Variants in SLC44A2 observed in about 807,000 individuals in gnomAD.
SLC44A2 encodes the protein solute carrier family 44 member 2 (CTL2 blood group).
Under a neutral mutation model 90.8 loss-of-function variants are expected in SLC44A2, and 57 were observed. The ratio of observed to expected loss-of-function variants is 0.63; its 90% confidence interval spans 0.51 to 0.78. SLC44A2 has a LOEUF of 0.78. SLC44A2 is among the 30% of genes least tolerant of loss of function. The pLI is 0.00. For synonymous variants in SLC44A2, 355 were observed against 360.7 expected (o/e 0.98, Z 0.18); for missense variants, 794 against 919.7 (o/e 0.86, Z 1.77).
chr19:10,633,568 G>A (rs1048453178), intron 10 of SLC44A2, among the ~76,000 whole-genome samples: 6 of 152,136 alleles, frequency 3.9e-5, no homozygotes, highest in East Asian at 1.9e-4. Context: ...TGATCCTCCC[G>A]TCTTGGCCTC....
chr19:10,621,897 G>GT (rs1207082925), upstream of SLC44A2, among the ~76,000 whole-genome samples: 1 of 152,160 alleles, frequency 6.6e-6, no homozygotes, highest in African/African-American at 2.4e-5. Context: ...GATTATAGGC[G>GT]TGAGCCACTG....
In SLC44A2 at chr19:10,644,104, A is replaced by G. The variant is rs2067145257; in HGVS notation, c.*719A>G. The G allele has an allele frequency of 6.6e-6, 1 of 152,552 alleles. No homozygotes were observed. Among genetic ancestry groups the G allele is most frequent in the South Asian group, 2.1e-4 (1 of 4,826 alleles). The allele number at this position is 152,552 out of a possible 1,614,324, so 9.4% of individuals were successfully genotyped here. On this transcript the variant is annotated 3_prime_UTR_variant, in exon 22 of 22. Coordinates refer to ENST00000335757, the MANE Select transcript of SLC44A2 (RefSeq NM_020428.4). ...GCAGGCTGGAGAGGAGATGGCTAAT[A>G]GCTGTTTAATGGAAACCTGCTGGGC...
chr19:10,630,756 C>T (rs1232593296), intron 4 of SLC44A2, among the ~76,000 whole-genome samples: 1 of 151,506 alleles, frequency 6.6e-6, no homozygotes, highest in African/African-American at 2.4e-5. Flanking sequence ...GTAATACCAA[C>T]ACTTTGGGAG....
At position 10,633,973 on chromosome 19, in the gene SLC44A2, A is replaced by AT. The variant is rs1406434263; in HGVS notation, c.824-768dup. On this transcript the variant is annotated intron_variant, in intron 10 of 21. Coordinates refer to ENST00000335757, the MANE Select transcript of SLC44A2 (RefSeq NM_020428.4). ...ACCAACATGTAGAAACCCCATCTCTATTTTTTTTTTTTTTTGAGACAGAGT... is the reference window on the plus strand; with the variant it reads ...ACCAACATGTAGAAACCCCATCTCTATTTTTTTTTTTTTTTTGAGACAGAGT... 1.7e-3 allele frequency among the ~76,000 whole-genome samples: 184 copies of AT among 107,904 alleles called. 6 individuals are homozygous for AT. Among genetic ancestry groups the AT allele is most frequent in the African/African-American group, 5.5e-3 (144 of 26,168 alleles). 70.8% of individuals were successfully genotyped at this position (107,904 alleles called of 152,430 possible).
chr19:10,603,655 G>C (rs568899613), intron 1 of SLC44A2, among the ~76,000 whole-genome samples: 10 of 152,286 alleles, frequency 6.6e-5, no homozygotes, highest in Admixed American at 5.9e-4. Context: ...AGCAGGACCT[G>C]GCCACCTCCC....
intron 1 of SLC44A2, among the ~76,000 whole-genome samples, chr19:10,609,749 G>A (rs1042192667): frequency 6.6e-6 from 1 of 152,060 alleles, no homozygotes; most frequent in Admixed American, 6.6e-5. Flanking sequence ...ACAGGTGTAA[G>A]CCACCATGCC....
intron 1 of SLC44A2, among the ~76,000 whole-genome samples, chr19:10,608,082 G>C (rs1340955503): frequency 6.6e-6 from 1 of 151,838 alleles, no homozygotes; most frequent in African/African-American, 2.4e-5. Context: ...AATTAGCTGG[G>C]CATGGTGGCA....
chr19:10,614,263 G>A (rs972630787), intron 1 of SLC44A2, among the ~76,000 whole-genome samples: 5 of 152,030 alleles, frequency 3.3e-5, no homozygotes, highest in Admixed American at 1.3e-4. Context: ...CACCGCACCC[G>A]TCCATAAATT....
chr19:10,642,695 C>T (rs368217678), intron 21 of SLC44A2, among the ~76,000 whole-genome samples: 18 of 152,160 alleles, frequency 1.2e-4, no homozygotes, highest in Admixed American at 8.5e-4. Context: ...GCCCGCGCTT[C>T]GCAGTTTCTG....
chr19:10,643,527 T>G lies in SLC44A2; in HGVS notation c.*142T>G. ...CCCCATGAGCCAGATCCCACCAGTT[T>G]CTGGACGTGGAGAGTCTGGGGCATC... On this transcript the variant is annotated 3_prime_UTR_variant, in exon 22 of 22. Coordinates refer to ENST00000335757, the MANE Select transcript of SLC44A2 (RefSeq NM_020428.4). The G allele has an allele frequency of 9.9e-7, 1 of 1,011,174 alleles. No individual in the cohort carries two copies. The highest frequency in any genetic ancestry group is 1.4e-6 in the Non-Finnish European group (1 of 716,704). The allele number at this position is 1,011,174 out of a possible 1,614,324, so 62.6% of individuals were successfully genotyped here.
At chr19:10,618,540 C>T (rs1434068111) in intron 1 of SLC44A2, among the ~76,000 whole-genome samples, 20 of 137,556 alleles carry the variant, frequency 1.5e-4, no homozygotes, top group Admixed American at 3.9e-4. Flanking sequence ...AGTGCAGTGG[C>T]GCCATCTCGG....
At chr19:10,622,941 G>A (rs2066903273), upstream of SLC44A2, among the ~76,000 whole-genome samples, 1 of 152,180 alleles carries the variant, frequency 6.6e-6, no homozygotes, top group South Asian at 2.1e-4. Flanking sequence ...CTGAGTATGA[G>A]ATGCTCACGT....
chr19:10,643,477 G>A lies in SLC44A2; in HGVS notation c.*92G>A. 3.5e-6 allele frequency: 5 copies of A among 1,434,472 alleles called. No individual in the cohort carries two copies. The highest frequency in any genetic ancestry group is 4.7e-6 in the Non-Finnish European group (5 of 1,060,936). 88.9% of individuals were successfully genotyped at this position (1,434,472 alleles called of 1,614,324 possible). ...CCCCAGCCCCTTGGGCTCACCTGAA[G>A]TCCTATCACTGCCGCTCTGCCCCTC... On this transcript the variant is annotated 3_prime_UTR_variant, in exon 22 of 22. Transcript: ENST00000335757.
chr19:10,622,855 T>C (rs1283266612), upstream of SLC44A2, among the ~76,000 whole-genome samples: 3 of 152,130 alleles, frequency 2.0e-5, no homozygotes, highest in Non-Finnish European at 1.5e-5. Context: ...TGAGCTGTGA[T>C]TATGCCACTG....
intron 14 of SLC44A2, chr19:10,636,121 C>A: frequency 1.6e-6 from 1 of 633,820 alleles, no homozygotes; most frequent in Non-Finnish European, 2.6e-6. Context: ...CTCTTCTTGA[C>A]CCCAGTGATG....
chr19:10,609,405 T>C (rs1468890387), intron 1 of SLC44A2, among the ~76,000 whole-genome samples: 5 of 152,124 alleles, frequency 3.3e-5, no homozygotes, highest in Admixed American at 3.3e-4. Context: ...GTTCAAGTGA[T>C]TCTCCTGCCT....
At chr19:10,637,366 A>G (rs2144880638) in intron 16 of SLC44A2, among the ~76,000 whole-genome samples, 2 of 152,176 alleles carry the variant, frequency 1.3e-5, no homozygotes, top group South Asian at 4.2e-4. Flanking sequence ...AAAGGAAAAA[A>G]AACTGGTTTA....
At position 10,643,663 on chromosome 19, in the gene SLC44A2, G is replaced by A. The variant is rs934019019; in HGVS notation, c.*278G>A. On this transcript the variant is annotated 3_prime_UTR_variant, in exon 22 of 22. Transcript: ENST00000335757. ...TGATGTCTGGGATGGCACGTGGCCC[G>A]ACCTCCACAAGCTCCCTCATGCTTC... 19 of 292,638 alleles carry A rather than the reference G, an allele frequency of 6.5e-5. 1 individual carries two copies. The highest frequency in any genetic ancestry group is 3.3e-4 in the South Asian group (8 of 24,014). 18.1% of individuals were successfully genotyped at this position (292,638 alleles called of 1,614,324 possible).
intron 1 of SLC44A2, among the ~76,000 whole-genome samples, chr19:10,604,732 C>T (rs1471514460): frequency 6.6e-6 from 1 of 152,144 alleles, no homozygotes; most frequent in Non-Finnish European, 1.5e-5. Context: ...AAGAATTTTG[C>T]ATAGGCTGTC....
Sources: allele counts gnomAD v4.1 joint callset (sites outside exome capture counted in the v4.1 genomes callset), GRCh38; gene constraint gnomAD v4.1.1; transcripts MANE v1.5; gene names NCBI Gene and HGNC (gene_info 2026-07-23, HGNC 2026-07-21).